The following BRAF variants were observed in gnomAD, a reference collection of about 807,000 sequenced individuals.
BRAF encodes the protein B-Raf proto-oncogene, serine/threonine kinase, also known as serine/threonine-protein kinase B-raf.
BRAF carries 16 observed loss-of-function variants against 104.6 expected under a neutral mutation model. The observed-to-expected ratio is 0.15, with a 90% confidence interval of 0.10 to 0.23. The LOEUF (loss-of-function observed/expected upper bound fraction) is 0.23. Among genes scored for constraint, BRAF ranks in the 10% least tolerant of loss-of-function variants. The pLI, the probability that BRAF is intolerant of heterozygous loss-of-function variation, is 1.00. For synonymous variants in BRAF, 310 were observed against 341.6 expected, an observed-to-expected ratio of 0.91 and a Z score of 1.02; for missense variants, 541 against 937.3, an observed-to-expected ratio of 0.58 and a Z score of 5.52.
At chr7:140,891,359 G>A (rs1296227359) in intron 1 of BRAF, among the ~76,000 whole-genome samples, 3 of 152,106 alleles carry the variant, frequency 2.0e-5, no homozygotes, top group South Asian at 2.1e-4. Flanking sequence ...GGATGCGGAA[G>A]TCTCTTATAT....
rs1407518437 is a variant in BRAF, at chr7:140,722,006, C to T, written c.*4488G>A. ...ATTCGGTCCTATATTTCAATTTCCC[C>T]TTCTAAGTTAATACATGATTGCTGC... is the stretch of plus-strand genomic sequence containing the variant. On this transcript the variant is annotated 3_prime_UTR_variant, in exon 20 of 20. Transcript: ENST00000644969. 8 of 1,163,642 alleles carry T rather than the reference C, an allele frequency of 6.9e-6. No individual in the cohort carries two copies. The highest frequency in any genetic ancestry group is 1.6e-5 in the African/African-American group (1 of 63,246). 72.1% of individuals were successfully genotyped at this position (1,163,642 alleles called of 1,614,324 possible). A position where few individuals can be genotyped will look rare whatever the true frequency, so the allele number is the denominator to read the frequency against.
At position 140,808,351 on chromosome 7, in the gene BRAF, C is replaced by CAAA. The variant is rs35843886; in HGVS notation, c.609-292_609-290dup. On this transcript the variant is annotated intron_variant, in intron 4 of 19. Coordinates refer to ENST00000644969, the MANE Select transcript of BRAF (RefSeq NM_001374258.1). Reference sequence around the variant, plus strand: ...CAGAAAATGGATTGTTCCTGGGGTCCAAAAAAAAAAAAAAAAAAAAAAAAA... The same window carrying CAAA: ...CAGAAAATGGATTGTTCCTGGGGTCCAAAAAAAAAAAAAAAAAAAAAAAAAAAA... 3.2e-3 allele frequency: 638 copies of CAAA among 199,008 alleles called. 11 individuals carry two copies. The highest frequency in any genetic ancestry group is 0.021 in the African/African-American group (358 of 16,858). 12.3% of individuals were successfully genotyped at this position (199,008 alleles called of 1,614,324 possible). A position where few individuals can be genotyped will look rare whatever the true frequency, so the allele number is the denominator to read the frequency against.
At chr7:140,768,236 C>T (rs757611295) in intron 14 of BRAF, among the ~76,000 whole-genome samples, 2 of 139,826 alleles carry the variant, frequency 1.4e-5, no homozygotes, top group Non-Finnish European at 3.1e-5. Context: ...ATAATGATTA[C>T]ATATTTCCTC....
rs1305855310 is a variant in BRAF at position 140,775,855 on chromosome 7, T to C, written c.1814+1057A>G. ...TTTGAGAAAGAGAAGGTGGTATAGT[T>C]GGAAGATCTAAGAGCCAGATCTGGT... On this transcript the variant is annotated intron_variant, in intron 14 of 19. Transcript: ENST00000644969. 2.0e-5 allele frequency among the ~76,000 whole-genome samples: 3 copies of C among 152,236 alleles called. No individual in the cohort carries two copies. The East Asian group carries it at 5.8e-4, about 29-fold the overall frequency.
At position 140,815,624 on chromosome 7, in the gene BRAF, C is replaced by T. The variant is rs548340103; in HGVS notation, c.505-6629G>A. On this transcript the variant is annotated intron_variant, in intron 3 of 19. Coordinates refer to ENST00000644969, the MANE Select transcript of BRAF (RefSeq NM_001374258.1). ...AATTTTTTTGTATTGTTAGTAAAGA[C>T]GGGGTTTTAGTATGTTCCTCAGGCT... is the stretch of plus-strand genomic sequence containing the variant. Among the ~76,000 whole-genome samples the T allele has an allele frequency of 1.5e-4, 22 of 150,664 alleles. No homozygotes were observed. In the East Asian group the frequency reaches 2.8e-3, roughly 19 times the overall value.
chr7:140,848,092 A>G (rs1808768343), intron 2 of BRAF, among the ~76,000 whole-genome samples: 1 of 152,248 alleles, frequency 6.6e-6, no homozygotes, highest in Non-Finnish European at 1.5e-5. Context: ...TAAAAGAACC[A>G]ACCAAAAAGA....
intron 14 of BRAF, among the ~76,000 whole-genome samples, chr7:140,764,987 C>T (rs900114849): frequency 6.6e-6 from 1 of 152,206 alleles, no homozygotes; most frequent in Admixed American, 6.5e-5. Context: ...GCCCGCATCA[C>T]CAAGGCAATC....
chr7:140,839,317 A>G (rs543286570), intron 2 of BRAF, among the ~76,000 whole-genome samples: 1 of 152,344 alleles, frequency 6.6e-6, no homozygotes, highest in South Asian at 2.1e-4. Flanking sequence ...CAAAAATTAA[A>G]AACAAAACAA....
intron 1 of BRAF, among the ~76,000 whole-genome samples, chr7:140,900,419 G>A (rs977163919): frequency 5.3e-5 from 8 of 152,178 alleles, no homozygotes; most frequent in African/African-American, 1.9e-4. Context: ...ATGCATAACA[G>A]ATGGGGAAGT....
intron 3 of BRAF, among the ~76,000 whole-genome samples, chr7:140,814,450 AG>A: frequency 6.6e-6 from 1 of 152,092 alleles, no homozygotes; most frequent in Non-Finnish European, 1.5e-5. Flanking sequence ...AGATCACCTG[AG>A]GTCTGGAGTT....
chr7:140,846,261 T>G (rs566411851), intron 2 of BRAF, among the ~76,000 whole-genome samples: 1 of 152,342 alleles, frequency 6.6e-6, no homozygotes, highest in South Asian at 2.1e-4. Context: ...TGTCCACTGA[T>G]GGATGAATGG....
At chr7:140,912,572 T>G (rs561934873) in intron 1 of BRAF, among the ~76,000 whole-genome samples, 2 of 152,310 alleles carry the variant, frequency 1.3e-5, no homozygotes, top group East Asian at 3.9e-4. Context: ...TCATTAAAAA[T>G]TTATTGACCC....
chr7:140,910,605 T>C (rs1816856136), intron 1 of BRAF, among the ~76,000 whole-genome samples: 1 of 152,126 alleles, frequency 6.6e-6, no homozygotes, highest in Non-Finnish European at 1.5e-5. Flanking sequence ...TTCCTTACCA[T>C]CCCCAGTTCT....
chr7:140,819,671 GACACAGGGT>G (rs1805265957), intron 3 of BRAF, among the ~76,000 whole-genome samples: 1 of 152,202 alleles, frequency 6.6e-6, no homozygotes. Flanking sequence ...ATGAAGGACT[GACACAGGGT>G]ACAATGTGGA....
intron 3 of BRAF, chr7:140,823,896 A>G (rs998499577): frequency 2.0e-5 from 3 of 152,096 alleles, no homozygotes; most frequent in African/African-American, 7.2e-5. Flanking sequence ...TTTGATTTGC[A>G]TGTTCCTAAT....
chr7:140,904,485 A>G (rs929270162), intron 1 of BRAF, among the ~76,000 whole-genome samples: 5 of 152,206 alleles, frequency 3.3e-5, no homozygotes, highest in African/African-American at 1.2e-4. Flanking sequence ...ATCTAAAGAC[A>G]TAACATTTGA....
At position 140,724,483 on chromosome 7, in the gene BRAF, G is replaced by T. The variant is rs1434944252; in HGVS notation, c.*2011C>A. The T allele has an allele frequency of 1.9e-6, 2 of 1,053,320 alleles. No individual in the cohort carries two copies. Among genetic ancestry groups the T allele is most frequent in the Non-Finnish European group, 2.3e-6 (2 of 871,858 alleles). 65.2% of individuals were successfully genotyped at this position (1,053,320 alleles called of 1,614,324 possible). ...TCCACCTTTGCAATTTCTGAATTTT[G>T]TAAGACACTGCCCTGCTGATGTAAA... is the stretch of plus-strand genomic sequence containing the variant. On this transcript the variant is annotated 3_prime_UTR_variant, in exon 20 of 20. Coordinates refer to ENST00000644969, the MANE Select transcript of BRAF (RefSeq NM_001374258.1).
chr7:140,767,040 G>T (rs1799397859), intron 14 of BRAF, among the ~76,000 whole-genome samples: 1 of 152,050 alleles, frequency 6.6e-6, no homozygotes, highest in Non-Finnish European at 1.5e-5. Context: ...GTCTTGCTCT[G>T]TCACCCAGGC....
chr7:140,841,829 C>G (rs563414787), intron 2 of BRAF, among the ~76,000 whole-genome samples: 1 of 152,076 alleles, frequency 6.6e-6, no homozygotes, highest in Non-Finnish European at 1.5e-5. Context: ...CTGAATTACA[C>G]AGTTTTAAAA....
Sources: gnomAD v4.1 joint callset for allele counts (sites outside exome capture counted in the v4.1 genomes callset) on GRCh38, gnomAD v4.1.1 for gene constraint, MANE v1.5 for transcripts, NCBI Gene and HGNC (gene_info 2026-07-23, HGNC 2026-07-21) for gene names.